Variants in NAV2 observed in about 807,000 individuals in gnomAD.
NAV2 encodes helicase, APC down-regulated 1.
Under a neutral mutation model 223.2 loss-of-function variants are expected in NAV2, and 54 were observed. The ratio of observed to expected loss-of-function variants is 0.24; its 90% CI spans 0.19 to 0.30. The LOEUF is 0.30. Among genes scored for constraint, NAV2 ranks in the 10% least tolerant of loss-of-function variants. The pLI is 1.00. For synonymous variants in NAV2, 1,279 were observed against 1,239.3 expected (o/e 1.03, Z -0.67); for missense variants, 2,806 against 3,147.5 (o/e 0.89, Z 2.60).
At chr11:19,576,756 T>C (rs762481925) in intron 1 of NAV2, among the ~76,000 whole-genome samples, 1 of 152,188 alleles carries the variant, frequency 6.6e-6, no homozygotes, top group Non-Finnish European at 1.5e-5. Context: ...CCCTGTCTTC[T>C]CTACCAGTCT....
rs553145629 is a variant in NAV2, at chr11:19,457,390, C to T, written c.75+106363C>T. Among the ~76,000 whole-genome samples, 49 of 152,098 alleles carry T rather than the reference C, an allele frequency of 3.2e-4. No individual in the cohort carries two copies. The South Asian group carries it at 6.6e-3, about 21-fold the overall frequency. On this transcript the variant is annotated intron_variant, in intron 1 of 37. Transcript: ENST00000360655. ...TGAAGACCTCGGGACCTGAATGTAA[C>T]GCAGAGGGGACAGCAAGTGCAGATG...
chr11:19,569,679 A>G (rs1354775971), intron 1 of NAV2, among the ~76,000 whole-genome samples: 4 of 152,160 alleles, frequency 2.6e-5, no homozygotes, highest in Non-Finnish European at 4.4e-5. Context: ...TTTGCTGTCA[A>G]CTTCAAGGCA....
rs373349863 is a variant in NAV2, at chr11:19,554,053, T to C, written c.75+203026T>C. Among the ~76,000 whole-genome samples, 8 of 152,310 alleles carry C rather than the reference T, an allele frequency of 5.3e-5. No individual in the cohort carries two copies. The East Asian group carries it at 5.8e-4, about 11-fold the overall frequency. On this transcript the variant is annotated intron_variant, in intron 1 of 37. Coordinates refer to the NAV2 transcript ENST00000360655. ...TCATACTGAAAAGTTGTGGGAGCTC[T>C]CTCTCCTTTTTTGTTTTTGAAATTC...
chr11:19,870,825 C>A (rs1277382224), intron 4 of NAV2, among the ~76,000 whole-genome samples: 1 of 152,120 alleles, frequency 6.6e-6, no homozygotes, highest in African/African-American at 2.4e-5. Context: ...GATTTACACC[C>A]AGTTCTGTGT....
intron 10 of NAV2, among the ~76,000 whole-genome samples, chr11:19,964,226 G>A (rs1222250033): frequency 1.3e-5 from 2 of 152,110 alleles, no homozygotes; most frequent in Non-Finnish European, 2.9e-5. Flanking sequence ...GCAAGCTGGT[G>A]TAGCTATTTT....
chr11:19,940,206 A>G (rs923748491), intron 8 of NAV2, among the ~76,000 whole-genome samples: 6 of 152,158 alleles, frequency 3.9e-5, no homozygotes, highest in African/African-American at 1.2e-4. Context: ...TTAGAGTCCT[A>G]TGTGAATTGG....
At chr11:19,381,116 T>A (rs2133928533) in intron 1 of NAV2, among the ~76,000 whole-genome samples, 1 of 152,288 alleles carries the variant, frequency 6.6e-6, no homozygotes, top group South Asian at 2.1e-4. Context: ...ATTCTCCTCA[T>A]CCTTTGACAT....
chr11:19,651,052 G>A (rs1425832817), intron 1 of NAV2, among the ~76,000 whole-genome samples: 1 of 152,120 alleles, frequency 6.6e-6, no homozygotes, highest in African/African-American at 2.4e-5. Flanking sequence ...TAAACATGGA[G>A]AGCTATTTGC....
chr11:19,588,365 G>C (rs2045958780), intron 1 of NAV2, among the ~76,000 whole-genome samples: 1 of 152,196 alleles, frequency 6.6e-6, no homozygotes. Flanking sequence ...TCTCTGATTA[G>C]AGTTTCCCTT....
intron 1 of NAV2, among the ~76,000 whole-genome samples, chr11:19,755,328 A>AT (rs1190965153): frequency 1.4e-4 from 21 of 152,146 alleles, no homozygotes; most frequent in Admixed American, 1.2e-3. Context: ...CTGTCATTCT[A>AT]TTTTTTTAAA....
intron 1 of NAV2, among the ~76,000 whole-genome samples, chr11:19,403,966 A>C (rs1248059554): frequency 1.3e-5 from 2 of 152,030 alleles, no homozygotes; most frequent in Non-Finnish European, 2.9e-5. Context: ...ATAGAGAAAC[A>C]GTCGTCTGCA....
intron 10 of NAV2, among the ~76,000 whole-genome samples, chr11:19,970,189 G>A (rs1250266104): frequency 6.6e-6 from 1 of 152,142 alleles, no homozygotes; most frequent in Non-Finnish European, 1.5e-5. Flanking sequence ...TTTTTATTGA[G>A]ACAGAGTCTT....
intron 26 of NAV2, among the ~76,000 whole-genome samples, chr11:20,090,272 C>A (rs1165966526): frequency 6.6e-6 from 1 of 152,076 alleles, no homozygotes; most frequent in Non-Finnish European, 1.5e-5. Context: ...AACTCAAGGG[C>A]GTGTGGTGTC....
In NAV2 at chr11:19,888,529, T is replaced by G. The variant is rs1207430564; in HGVS notation, c.771-3905T>G. Among the ~76,000 whole-genome samples, 3 of 152,320 alleles carry G rather than the reference T, an allele frequency of 2.0e-5. No homozygotes were observed. The East Asian group carries it at 5.8e-4, about 29-fold the overall frequency. ...CAAAATGTTAGCCAGAGGCCTCGGC[T>G]CTGTACCACTGGTAAACTGGAAGAT... On this transcript the variant is annotated intron_variant, in intron 5 of 37. Transcript: ENST00000349880.
chr11:19,565,648 C>T (rs1025326892), intron 1 of NAV2, among the ~76,000 whole-genome samples: 9 of 152,128 alleles, frequency 5.9e-5, no homozygotes, highest in African/African-American at 9.7e-5. Flanking sequence ...ATTGACAGCC[C>T]GCCTTTTTTT....
At chr11:19,920,226 G>A (rs115409551) in intron 6 of NAV2, among the ~76,000 whole-genome samples, 70 of 152,316 alleles carry the variant, frequency 4.6e-4, no homozygotes, top group African/African-American at 1.7e-3. Flanking sequence ...TCTCTGAGCT[G>A]CAGTAAATCC....
At chr11:19,752,415 T>A (rs575429429) in intron 1 of NAV2, among the ~76,000 whole-genome samples, 1 of 152,308 alleles carries the variant, frequency 6.6e-6, no homozygotes, top group Non-Finnish European at 1.5e-5. Flanking sequence ...CTCAACTTCC[T>A]TTCTCATTTC....
At position 20,101,085 on chromosome 11, in the gene NAV2, G is replaced by A; in HGVS notation, c.6330G>A (p.Arg2110=). 6.2e-7 allele frequency: 1 copy of A among 1,614,136 alleles called. No individual in the cohort carries two copies. ...SGTGKTYLAN[R]LSEYIVLREG... Reference sequence around the variant, plus strand: ...CTGGGAAAACCTACCTGGCCAACCGGCTGTCTGAGTATATAGTGCTTCGAG... The same window carrying A: ...CTGGGAAAACCTACCTGGCCAACCGACTGTCTGAGTATATAGTGCTTCGAG... Residue 2110 remains arginine, a synonymous_variant, in exon 32 of 38, where the codon CGG becomes CGA. Coordinates refer to ENST00000349880, the MANE Select transcript of NAV2 (RefSeq NM_145117.5).
At position 19,904,409 on chromosome 11, in the gene NAV2, T is replaced by TAA. The variant is rs112222963; in HGVS notation, c.931+11824_931+11825dup. Among the ~76,000 whole-genome samples the TAA allele has an allele frequency of 3.1e-3, 461 of 146,984 alleles. 2 individuals carry two copies. The East Asian group carries it at 0.035, about 11-fold the overall frequency. Reference sequence around the variant, plus strand: ...TTACATTTTGTGGTAACTGGTCTTATAAAAAAAAAAGAGGGGTACTATGAA... The same window carrying TAA: ...TTACATTTTGTGGTAACTGGTCTTATAAAAAAAAAAAAGAGGGGTACTATGAA... On this transcript the variant is annotated intron_variant, in intron 6 of 37. Transcript: ENST00000349880.
Sources: allele counts gnomAD v4.1 joint callset (sites outside exome capture counted in the v4.1 genomes callset), GRCh38; gene constraint gnomAD v4.1.1; transcripts MANE v1.5; gene names NCBI Gene and HGNC (gene_info 2026-07-23, HGNC 2026-07-21).